Variants in CDH4 observed in about 807,000 individuals in gnomAD.
The protein encoded by CDH4 is cadherin 4.
CDH4 carries 33 observed loss-of-function variants against 86.0 expected under a neutral mutation model. The ratio of observed to expected loss-of-function variants is 0.38; its 90% CI spans 0.29 to 0.51. CDH4 has a LOEUF of 0.51. CDH4 is among the 20% of genes least tolerant of loss of function. The pLI is 0.86. For missense variants in CDH4, 1,114 were observed against 1,307.4 expected, an observed-to-expected ratio of 0.85 and a Z score of 2.28; for synonymous variants, 555 against 549.4, an observed-to-expected ratio of 1.01 and a Z score of -0.14.
chr20:61,330,808 C>T (rs1239994573), intron 2 of CDH4, among the ~76,000 whole-genome samples: 1 of 152,180 alleles, frequency 6.6e-6, no homozygotes, highest in Non-Finnish European at 1.5e-5. Flanking sequence ...TCTCTCATCC[C>T]TTCCAATCGC....
intron 2 of CDH4, chr20:61,719,675 G>A (rs572183635): frequency 6.5e-6 from 1 of 154,926 alleles, no homozygotes; most frequent in Admixed American, 6.3e-5. Context: ...AGAAACCAAA[G>A]GAAGAGCGTG....
intron 2 of CDH4, among the ~76,000 whole-genome samples, chr20:61,565,387 A>ATGGTGGCGGTGCTCTTGGTGG (rs2086287929): frequency 1.3e-4 from 2 of 15,126 alleles, no homozygotes; most frequent in Non-Finnish European, 2.0e-4. Context: ...CCTCTTGGTG[A>ATGGTGGCGGTGCTCTTGGTGG]TGGGGTGATG....
At chr20:61,545,384 G>T (rs138445350) in intron 2 of CDH4, among the ~76,000 whole-genome samples, 1 of 152,220 alleles carries the variant, frequency 6.6e-6, no homozygotes, top group Non-Finnish European at 1.5e-5. Context: ...CCAGCCTGTC[G>T]GAGTGAAGGA....
At chr20:61,772,007 C>T (rs956235700) in intron 3 of CDH4, among the ~76,000 whole-genome samples, 1 of 152,114 alleles carries the variant, frequency 6.6e-6, no homozygotes, top group African/African-American at 2.4e-5. Flanking sequence ...GCTGAGTGAC[C>T]GCGGGGACCC....
chr20:61,501,493 G>C lies in CDH4; in HGVS notation c.170-242070G>C, dbSNP rs1230327191. On this transcript the variant is annotated intron_variant, in intron 2 of 15. Transcript: ENST00000614565. The surrounding 1 kb of genome is among the most constrained non-coding windows in gnomAD (Gnocchi z 4.2). The stretch of plus-strand genomic sequence containing the variant: ...ATTAGGTGAGCGATGTAGCTGGAAC[G>C]AGGCCTGGCTGAGATTCAGGAGACG... Among the ~76,000 whole-genome samples, 1 of 152,114 alleles carries C rather than the reference G, an allele frequency of 6.6e-6. No individual in the cohort carries two copies. Among genetic ancestry groups the C allele is most frequent in the East Asian group, 1.9e-4 (1 of 5,174 alleles).
intron 2 of CDH4, among the ~76,000 whole-genome samples, chr20:61,465,233 C>A (rs372826276): frequency 3.3e-5 from 5 of 152,140 alleles, no homozygotes; most frequent in African/African-American, 1.2e-4. Flanking sequence ...GAATAGCTAA[C>A]CTGCTGCTTT....
At chr20:61,683,145 G>A (rs1258559145) in intron 2 of CDH4, among the ~76,000 whole-genome samples, 1 of 152,132 alleles carries the variant, frequency 6.6e-6, no homozygotes, top group East Asian at 1.9e-4. Context: ...GTGTTTATGG[G>A]AGTTTATAGG....
At chr20:61,836,902 G>C (rs995340999) in intron 4 of CDH4, among the ~76,000 whole-genome samples, 19 of 152,366 alleles carry the variant, frequency 1.2e-4, no homozygotes, top group African/African-American at 2.9e-4. Flanking sequence ...TTTTAAAAGT[G>C]GGGGTAGGGG....
At chr20:61,292,874 A>G (rs547855710) in intron 2 of CDH4, among the ~76,000 whole-genome samples, 1 of 152,372 alleles carries the variant, frequency 6.6e-6, no homozygotes, top group East Asian at 1.9e-4. Flanking sequence ...TGGTATCAGC[A>G]GTCCAGATGC....
chr20:61,713,239 T>C (rs568808721), intron 2 of CDH4, among the ~76,000 whole-genome samples: 1 of 152,306 alleles, frequency 6.6e-6, no homozygotes, highest in South Asian at 2.1e-4. Context: ...GTCCTCCAGG[T>C]TCAAGGTGCA....
At chr20:61,788,014 G>A (rs1206594957) in intron 4 of CDH4, among the ~76,000 whole-genome samples, 1 of 152,202 alleles carries the variant, frequency 6.6e-6, no homozygotes, top group Non-Finnish European at 1.5e-5. Context: ...GTGATGTGGT[G>A]TGGCATAAAT....
intron 2 of CDH4, among the ~76,000 whole-genome samples, chr20:61,255,877 G>A (rs1037172454): frequency 6.6e-6 from 1 of 152,166 alleles, no homozygotes; most frequent in African/African-American, 2.4e-5. Context: ...GACAGAACTT[G>A]TTGACGTGCC....
At chr20:61,535,493 T>A (rs1368951542) in intron 2 of CDH4, among the ~76,000 whole-genome samples, 5 of 152,188 alleles carry the variant, frequency 3.3e-5, no homozygotes, top group African/African-American at 7.2e-5. Context: ...GGGGAAAAAA[T>A]CAATTTGTAG....
intron 2 of CDH4, among the ~76,000 whole-genome samples, chr20:61,415,546 GC>G (rs2085141956): frequency 2.0e-5 from 3 of 151,324 alleles, no homozygotes; most frequent in Admixed American, 6.6e-5. Context: ...ACTCTCCCCC[GC>G]CCCTGGCCCC....
Position 61,910,343 on chromosome 20 carries a change from G to A in CDH4, c.1189-79G>A, listed in dbSNP as rs2054836084. Reference sequence around the variant, plus strand: ...TCTGTTTGTGAACACTCGTTGAGCTGCACATATGCTACGTGCACTTCTCTG... The same window carrying A: ...TCTGTTTGTGAACACTCGTTGAGCTACACATATGCTACGTGCACTTCTCTG... On this transcript the variant is annotated intron_variant, in intron 8 of 15. Coordinates refer to ENST00000614565, the MANE Select transcript of CDH4 (RefSeq NM_001794.5). 91 of 1,275,514 alleles carry A rather than the reference G, an allele frequency of 7.1e-5. 1 individual carries two copies. The South Asian group carries it at 1.2e-3, about 16-fold the overall frequency. The allele number at this position is 1,275,514 out of a possible 1,614,324, so 79.0% of individuals were successfully genotyped here.
At chr20:61,772,955 A>T in intron 3 of CDH4, 48 bp from the exon 4 acceptor site, 1 of 1,556,514 alleles carries the variant, frequency 6.4e-7, no homozygotes, top group Non-Finnish European at 8.8e-7. Flanking sequence ...CCTCTGTGCA[A>T]AACCTAACTG....
At chr20:61,260,072 C>T (rs1032627981) in intron 2 of CDH4, among the ~76,000 whole-genome samples, 3 of 152,184 alleles carry the variant, frequency 2.0e-5, no homozygotes, top group East Asian at 1.9e-4. Flanking sequence ...CAAAACACCA[C>T]GCTTGGTTTT....
chr20:61,686,611 ATG>A (rs367842054), intron 2 of CDH4, among the ~76,000 whole-genome samples: 4 of 141,636 alleles, frequency 2.8e-5, no homozygotes, highest in East Asian at 4.3e-4. Context: ...ACGTGTGTGC[ATG>A]TGTGTATCTG....
At chr20:61,555,159 G>C (rs2086168054) in intron 2 of CDH4, among the ~76,000 whole-genome samples, 1 of 152,212 alleles carries the variant, frequency 6.6e-6, no homozygotes, top group Non-Finnish European at 1.5e-5. Context: ...CACATGCATG[G>C]GGTTGCCCTT....
Sources: allele counts gnomAD v4.1 joint callset (sites outside exome capture counted in the v4.1 genomes callset), GRCh38; gene constraint gnomAD v4.1.1; non-coding constraint Gnocchi (gnomAD v3.1); transcripts MANE v1.5; gene names NCBI Gene and HGNC (gene_info 2026-07-23, HGNC 2026-07-21).